ADGRL2: variants seen among roughly 807,000 people sequenced by gnomAD.
ADGRL2 encodes calcium-independent alpha-latrotoxin receptor 2.
ADGRL2 carries 44 observed loss-of-function variants against 157.4 expected under a neutral mutation model. The observed-to-expected ratio is 0.28, with a 90% CI of 0.22 to 0.36. The LOEUF (loss-of-function observed/expected upper bound fraction) is 0.36. ADGRL2 is among the 10% of genes least tolerant of loss of function. The pLI is 1.00. For missense variants in ADGRL2, 1,510 were observed against 1,768.9 expected (o/e 0.85, Z 2.63); for synonymous variants, 585 against 624.7 (o/e 0.94, Z 0.95).
At chr1:81,635,666 A>T (rs2082100821) in intron 3 of ADGRL2, among the ~76,000 whole-genome samples, 1 of 152,116 alleles carries the variant, frequency 6.6e-6, no homozygotes, top group Non-Finnish European at 1.5e-5. Flanking sequence ...AAGGGCCCCA[A>T]TCCCATTAAT....
At chr1:81,580,783 A>G (rs896682360) in intron 2 of ADGRL2, 2 of 152,158 alleles carry the variant, frequency 1.3e-5, no homozygotes, top group Admixed American at 1.3e-4. Context: ...TTGTGATTAC[A>G]TGCCAGTATA....
chr1:81,427,219 A>T, intron 1 of ADGRL2: 1 of 784,786 alleles, frequency 1.3e-6, no homozygotes, highest in Non-Finnish European at 2.3e-6. Flanking sequence ...TTGGTGGAAG[A>T]GGAGGCTATG....
chr1:81,388,207 G>T (rs1557649548), intron 1 of ADGRL2, among the ~76,000 whole-genome samples: 1 of 152,124 alleles, frequency 6.6e-6, no homozygotes, highest in Non-Finnish European at 1.5e-5. Flanking sequence ...TCTGACTGAT[G>T]ATTCTCCTGG....
intron 8 of ADGRL2, 45 bp from the exon 9 acceptor site, chr1:81,951,912 A>G: frequency 6.7e-7 from 1 of 1,501,564 alleles, no homozygotes; most frequent in Non-Finnish European, 9.0e-7. Context: ...GAAGCTGTAA[A>G]CAGAAAAAAA....
intron 1 of ADGRL2, among the ~76,000 whole-genome samples, chr1:81,324,504 G>A (rs1660749676): frequency 6.9e-6 from 1 of 145,084 alleles, no homozygotes; most frequent in African/African-American, 2.5e-5. Context: ...ATGAGACCCT[G>A]TCTCAAAAAA....
chr1:81,839,926 A>G (rs2092485948), intron 2 of ADGRL2, among the ~76,000 whole-genome samples: 1 of 117,204 alleles, frequency 8.5e-6, no homozygotes, highest in Non-Finnish European at 1.8e-5. Context: ...TATATATATG[A>G]TGGAATATAT....
At chr1:81,605,731 A>G (rs759202054) in intron 3 of ADGRL2, among the ~76,000 whole-genome samples, 54 of 152,194 alleles carry the variant, frequency 3.5e-4, no homozygotes, top group Non-Finnish European at 2.9e-4. Flanking sequence ...GCTGATTTAC[A>G]TCAGTCATTT....
intron 2 of ADGRL2, among the ~76,000 whole-genome samples, chr1:81,860,648 G>T (rs1164780811): frequency 6.6e-6 from 1 of 152,164 alleles, no homozygotes; most frequent in Non-Finnish European, 1.5e-5. Context: ...AGGAATTCAA[G>T]ATTTGGGATT....
At chr1:81,543,153 T>C (rs1365153507) in intron 2 of ADGRL2, among the ~76,000 whole-genome samples, 1 of 152,162 alleles carries the variant, frequency 6.6e-6, no homozygotes, top group Non-Finnish European at 1.5e-5. Context: ...ATATATGCTA[T>C]GGTCTGAATG....
upstream of ADGRL2, chr1:81,800,617 C>T (rs1266001125): frequency 6.6e-6 from 1 of 152,208 alleles, no homozygotes; most frequent in East Asian, 2.0e-4. Context: ...TCCCCCTGCG[C>T]TCAGCCTCGG....
chr1:81,448,162 T>G (rs1175516021), intron 2 of ADGRL2, among the ~76,000 whole-genome samples: 2 of 116,790 alleles, frequency 1.7e-5, no homozygotes, highest in Non-Finnish European at 3.4e-5. Flanking sequence ...TTTTTTTTTT[T>G]GAGACAGAGT....
At chr1:81,773,643 T>C (rs2086463308) in intron 2 of ADGRL2, among the ~76,000 whole-genome samples, 1 of 152,204 alleles carries the variant, frequency 6.6e-6, no homozygotes, top group South Asian at 2.1e-4. Flanking sequence ...ATTACTTTCT[T>C]CTTGAGCGTT....
At chr1:81,891,344 A>G (rs1042761987) in intron 2 of ADGRL2, among the ~76,000 whole-genome samples, 4 of 151,998 alleles carry the variant, frequency 2.6e-5, no homozygotes, top group Non-Finnish European at 2.9e-5. Flanking sequence ...CATAAATTTT[A>G]TCTAAATCTT....
chr1:81,399,422 G>C (rs77142639), intron 1 of ADGRL2, among the ~76,000 whole-genome samples: 1,753 of 152,010 alleles, frequency 0.012, 33 homozygotes, highest in African/African-American at 0.04. Context: ...CTAATAAATA[G>C]TTGTTCACTT....
chr1:81,802,724 C>T (rs1323026556), intron 1 of ADGRL2, among the ~76,000 whole-genome samples: 3 of 152,174 alleles, frequency 2.0e-5, no homozygotes, highest in East Asian at 1.9e-4. Context: ...GCTTTGCCCT[C>T]CGGTCCCGCA....
At chr1:81,811,865 C>T (rs370728362) in intron 1 of ADGRL2, among the ~76,000 whole-genome samples, 31 of 150,602 alleles carry the variant, frequency 2.1e-4, no homozygotes, top group African/African-American at 7.3e-4. Context: ...ATAAATGAGC[C>T]GGGCAGCTTT....
chr1:81,820,515 A>G (rs1194960047), intron 1 of ADGRL2, among the ~76,000 whole-genome samples: 1 of 152,070 alleles, frequency 6.6e-6, no homozygotes, highest in Non-Finnish European at 1.5e-5. Context: ...CCCTTTTGGT[A>G]TCCGTTTTCA....
At chr1:81,367,549 C>T (rs569505696) in intron 1 of ADGRL2, among the ~76,000 whole-genome samples, 98 of 152,152 alleles carry the variant, frequency 6.4e-4, no homozygotes, top group Non-Finnish European at 1.0e-3. Context: ...AGAACATGAC[C>T]TTGTTTCTTT....
intron 2 of ADGRL2, among the ~76,000 whole-genome samples, chr1:81,528,962 C>A (rs1011007057): frequency 1.3e-5 from 2 of 152,132 alleles, no homozygotes; most frequent in South Asian, 4.2e-4. Context: ...TTTAAGAGGG[C>A]GATGAATAAG....
Sources: allele counts gnomAD v4.1 joint callset (sites outside exome capture counted in the v4.1 genomes callset), GRCh38; gene constraint gnomAD v4.1.1; transcripts MANE v1.5; gene names NCBI Gene and HGNC (gene_info 2026-07-23, HGNC 2026-07-21).